Variants in EYS observed in about 807,000 individuals in gnomAD.
EYS encodes the protein EGF-like photoreceptor maintenance factor, also known as protein eyes shut homolog.
EYS carries 250 observed loss-of-function variants against 282.1 expected under a neutral mutation model. The ratio of observed to expected loss-of-function variants is 0.89; its 90% CI spans 0.80 to 0.98. EYS has a LOEUF of 0.98. EYS is among the 50% of genes least tolerant of loss of function. The probability of loss-of-function intolerance (pLI) is 0.00; values close to 1 mark genes in which losing one functional copy is unlikely to be tolerated. For synonymous variants in EYS, 1,355 were observed against 1,282.9 expected (o/e 1.06, Z -1.20); for missense variants, 4,016 against 3,709.0 (o/e 1.08, Z -2.15).
chr6:64,125,939 T>C (rs998616110), intron 31 of EYS, among the ~76,000 whole-genome samples: 3 of 151,740 alleles, frequency 2.0e-5, no homozygotes, highest in Non-Finnish European at 4.4e-5. Context: ...TTATTATACT[T>C]TAAGTTTTAG....
chr6:64,368,869 T>C (rs911959567), intron 29 of EYS, among the ~76,000 whole-genome samples: 1 of 152,146 alleles, frequency 6.6e-6, no homozygotes, highest in African/African-American at 2.4e-5. Context: ...GTTTACTTTG[T>C]TGATATTTCC....
intron 28 of EYS, among the ~76,000 whole-genome samples, chr6:64,409,615 C>T (rs1052396323): frequency 1.3e-4 from 20 of 152,212 alleles, no homozygotes; most frequent in African/African-American, 4.3e-4. Context: ...CTAACTTCAC[C>T]AATTTTATAT....
intron 7 of EYS, among the ~76,000 whole-genome samples, chr6:65,386,822 G>A (rs897907721): frequency 2.6e-5 from 4 of 151,802 alleles, no homozygotes; most frequent in South Asian, 2.1e-4. Flanking sequence ...TCAGATTACC[G>A]TGTTTCTAAA....
intron 12 of EYS, among the ~76,000 whole-genome samples, chr6:65,240,797 T>A (rs1767038995): frequency 6.6e-6 from 1 of 152,172 alleles, no homozygotes; most frequent in Non-Finnish European, 1.5e-5. Flanking sequence ...TGGATATATA[T>A]CCAGTAATGG....
chr6:64,771,990 T>G lies in EYS; in HGVS notation c.3443+41388A>C, dbSNP rs535246879. Among the ~76,000 whole-genome samples the G allele has an allele frequency of 1.5e-3, 225 of 151,924 alleles. 2 individuals are homozygous for G. The highest frequency in any genetic ancestry group is 5.2e-3 in the African/African-American group (217 of 41,540). Reference sequence around the variant, plus strand: ...ATCTCTCGTGTAAATAGATACTGCTTTATTATTTTTCAAAATGTTAATATA... The same window carrying G: ...ATCTCTCGTGTAAATAGATACTGCTGTATTATTTTTCAAAATGTTAATATA... On this transcript the variant is annotated intron_variant, in intron 22 of 42. Coordinates refer to ENST00000503581, the MANE Select transcript of EYS (RefSeq NM_001142800.2).
At chr6:64,132,199 T>C (rs1159562863) in intron 31 of EYS, among the ~76,000 whole-genome samples, 1 of 152,094 alleles carries the variant, frequency 6.6e-6, no homozygotes. Context: ...TTTGTTAGTA[T>C]TAAAAGTAAG....
chr6:65,201,939 C>T (rs114263389), intron 12 of EYS, among the ~76,000 whole-genome samples: 3,075 of 151,958 alleles, frequency 0.02, 128 homozygotes, highest in African/African-American at 0.071. Flanking sequence ...ATGGCGAGAC[C>T]CCATTTCTAC....
chr6:64,204,715 C>G (rs1482267047), intron 31 of EYS, among the ~76,000 whole-genome samples: 1 of 152,070 alleles, frequency 6.6e-6, no homozygotes, highest in South Asian at 2.1e-4. Flanking sequence ...TCATTATGAA[C>G]AAGCACAAGA....
intron 22 of EYS, among the ~76,000 whole-genome samples, chr6:64,775,473 T>C (rs140773287): frequency 1.1e-4 from 17 of 152,168 alleles, no homozygotes; most frequent in African/African-American, 3.9e-4. Context: ...TTCATTGTTC[T>C]CTTTTATAAA....
intron 5 of EYS, among the ~76,000 whole-genome samples, chr6:65,467,614 C>G (rs1765051754): frequency 6.6e-6 from 1 of 151,976 alleles, no homozygotes; most frequent in African/African-American, 2.4e-5. Context: ...AGATATGTCA[C>G]TTTATGAGAT....
At chr6:65,272,677 A>G (rs1171674330) in intron 12 of EYS, among the ~76,000 whole-genome samples, 1 of 152,204 alleles carries the variant, frequency 6.6e-6, no homozygotes, top group East Asian at 1.9e-4. Flanking sequence ...CATGTATTAT[A>G]ATTATTACAT....
At chr6:64,969,783 C>G (rs1377901962) in intron 14 of EYS, among the ~76,000 whole-genome samples, 1 of 152,178 alleles carries the variant, frequency 6.6e-6, no homozygotes, top group Non-Finnish European at 1.5e-5. Context: ...ACTAGCCTAT[C>G]TCCACACATA....
In EYS at chr6:64,267,226, C is replaced by T. The variant is rs117196055; in HGVS notation, c.6192-36402G>A. On this transcript the variant is annotated intron_variant, in intron 30 of 42. Coordinates refer to ENST00000503581, the MANE Select transcript of EYS (RefSeq NM_001142800.2). ...ATGAAATTAACACCACAACCCAATGCTCAAAGAGATCTGAGAGGCTCGAAT... is the reference window on the plus strand; with the variant it reads ...ATGAAATTAACACCACAACCCAATGTTCAAAGAGATCTGAGAGGCTCGAAT... 1.7e-3 allele frequency among the ~76,000 whole-genome samples: 252 copies of T among 152,196 alleles called. 4 individuals carry two copies. In the East Asian group the frequency reaches 0.041, roughly 25 times the overall value.
intron 41 of EYS, among the ~76,000 whole-genome samples, chr6:63,755,991 C>T (rs1001125365): frequency 6.6e-6 from 1 of 152,130 alleles, no homozygotes; most frequent in Non-Finnish European, 1.5e-5. Flanking sequence ...TATCCTGAGA[C>T]TTTGCTTAAG....
chr6:64,336,395 A>G (rs1364905858), intron 29 of EYS, among the ~76,000 whole-genome samples: 2 of 152,066 alleles, frequency 1.3e-5, no homozygotes, highest in Non-Finnish European at 2.9e-5. Context: ...GGGACATTAT[A>G]TAAAGGGCCT....
intron 2 of EYS, among the ~76,000 whole-genome samples, chr6:65,562,474 A>G (rs1769103938): frequency 6.6e-6 from 1 of 152,072 alleles, no homozygotes; most frequent in Non-Finnish European, 1.5e-5. Context: ...CAGAATGGAA[A>G]GAATGAAATA....
At chr6:63,755,399 T>C (rs528699179) in intron 41 of EYS, among the ~76,000 whole-genome samples, 1 of 152,330 alleles carries the variant, frequency 6.6e-6, no homozygotes, top group South Asian at 2.1e-4. Context: ...CCTTTCCCCA[T>C]TGCTTGTTTT....
chr6:64,119,907 A>G (rs1773519355), intron 31 of EYS, among the ~76,000 whole-genome samples: 1 of 152,174 alleles, frequency 6.6e-6, no homozygotes, highest in Non-Finnish European at 1.5e-5. Context: ...TTCTTTTTCC[A>G]TGATTAACTT....
chr6:64,997,861 A>G (rs1199625254), intron 13 of EYS, among the ~76,000 whole-genome samples, 158 bp from the exon 14 acceptor site: 2 of 152,160 alleles, frequency 1.3e-5, no homozygotes, highest in African/African-American at 4.8e-5. Flanking sequence ...CATCTACAAT[A>G]TTTTCTAAAT....
Sources: gnomAD v4.1 joint callset for allele counts (sites outside exome capture counted in the v4.1 genomes callset) on GRCh38, gnomAD v4.1.1 for gene constraint, MANE v1.5 for transcripts, NCBI Gene and HGNC (gene_info 2026-07-23, HGNC 2026-07-21) for gene names.